PPIE: variants seen among roughly 807,000 people sequenced by gnomAD.
PPIE encodes the protein peptidylprolyl isomerase E.
A neutral mutation model predicts 38.4 loss-of-function variants in PPIE; 20 were observed. That is an observed-to-expected ratio of 0.52 (90% CI 0.37 to 0.76). The LOEUF is 0.76. PPIE is among the 30% of genes least tolerant of loss of function. PPIE has a pLI of 0.00. For missense variants in PPIE, 322 were observed against 385.8 expected (o/e 0.83, Z 1.39); for synonymous variants, 142 against 135.7 (o/e 1.05, Z -0.32).
In PPIE at chr1:39,745,569, C is replaced by G. The variant is rs1012841452; in HGVS notation, c.508+71C>G. ...GCAGTGAGCCTTTCCCAGGTTCTTACTGCTTCACTTCTTGTGTCCTTGATA... is the reference window on the plus strand; with the variant it reads ...GCAGTGAGCCTTTCCCAGGTTCTTAGTGCTTCACTTCTTGTGTCCTTGATA... On this transcript the variant is annotated intron_variant, in intron 7 of 9. Coordinates refer to ENST00000324379, the MANE Select transcript of PPIE (RefSeq NM_006112.4). 59 of 1,605,736 alleles carry G rather than the reference C, an allele frequency of 3.7e-5. No homozygotes were observed. In the Admixed American group the frequency reaches 3.7e-4, roughly 10 times the overall value.
At chr1:39,745,752 A>C in intron 7 of PPIE, 1 of 451,576 alleles carries the variant, frequency 2.2e-6, no homozygotes, top group South Asian at 3.4e-5. Flanking sequence ...TTTTTTAAAG[A>C]ATAGCATATA....
At chr1:39,739,872 G>A (rs1380667972) in intron 1 of PPIE, among the ~76,000 whole-genome samples, 1 of 152,130 alleles carries the variant, frequency 6.6e-6, no homozygotes, top group African/African-American at 2.4e-5. Flanking sequence ...GTTCAAATTT[G>A]CATTTTCCTA....
Position 39,742,046 on chromosome 1 carries a change from A to G in PPIE, c.201+125A>G, listed in dbSNP as rs1297169242. ...TGCATGGGGAGGTAAAAATTCTCACATGAAAATATTCACTGTGAATTGATC... is the reference window on the plus strand; with the variant it reads ...TGCATGGGGAGGTAAAAATTCTCACGTGAAAATATTCACTGTGAATTGATC... On this transcript the variant is annotated intron_variant, in intron 4 of 9. Transcript: ENST00000324379. The G allele has an allele frequency of 1.7e-5, 16 of 952,224 alleles. No individual in the cohort carries two copies. In the Admixed American group the frequency reaches 3.5e-4, roughly 21 times the overall value. The allele number at this position is 952,224 out of a possible 1,614,324, so 59.0% of individuals were successfully genotyped here.
chr1:39,755,757 G>A lies in PPIE; in HGVS notation c.*2402G>A. On this transcript the variant is annotated 3_prime_UTR_variant, in exon 10 of 10. Transcript: ENST00000324379. ...AGCTCAGCAGGTTTGGAGCCATTGG[G>A]TGTGGACTCCTCTCCCAGTGTTCCT... The A allele has an allele frequency of 1.0e-6, 1 of 985,390 alleles. No homozygotes were observed. Among genetic ancestry groups the A allele is most frequent in the Non-Finnish European group, 1.2e-6 (1 of 829,934 alleles). The allele number at this position is 985,390 out of a possible 1,614,324, so 61.0% of individuals were successfully genotyped here.
chr1:39,762,769 C>T (rs1649173862), intron 9 of PPIE: 1 of 1,339,714 alleles, frequency 7.5e-7, no homozygotes, highest in East Asian at 2.5e-5. Context: ...ACAGTGTACA[C>T]ATCTGTTTCA....
At chr1:39,763,132 G>A in intron 9 of PPIE, 1 of 1,614,124 alleles carries the variant, frequency 6.2e-7, no homozygotes, top group Non-Finnish European at 8.5e-7. Flanking sequence ...ATTCATGCAG[G>A]AGTCCAGTGG....
rs938931480 is a variant in PPIE at position 39,753,065 on chromosome 1, G to A, written c.837+13G>A. On this transcript the variant is annotated intron_variant, in intron 9 of 9. Transcript: ENST00000324379. Reference sequence around the variant, plus strand: ...GCGGCAAATTGAGGTATGTGGCCAGGAATGGGCCTCCTCCTTACCCAGGCC... The same window carrying A: ...GCGGCAAATTGAGGTATGTGGCCAGAAATGGGCCTCCTCCTTACCCAGGCC... The A allele has an allele frequency of 3.1e-6, 5 of 1,613,908 alleles. No homozygotes were observed. In the African/African-American group the frequency reaches 6.7e-5, roughly 22 times the overall value.
At position 39,750,389 on chromosome 1, in the gene PPIE, C is replaced by A. The variant is rs1402968217; in HGVS notation, c.694+1301C>A. On this transcript the variant is annotated intron_variant, in intron 8 of 9. Coordinates refer to ENST00000324379, the MANE Select transcript of PPIE (RefSeq NM_006112.4). The stretch of plus-strand genomic sequence containing the variant: ...TCTTATCCCACCTCCCAGATGTTAT[C>A]CCACCTCCCAGGAGCATTTCATACT... 2.6e-5 allele frequency among the ~76,000 whole-genome samples: 4 copies of A among 152,276 alleles called. No individual in the cohort carries two copies. In the East Asian group the frequency reaches 5.8e-4, roughly 22 times the overall value.
At chr1:39,761,639 C>G (rs2124417823), downstream of PPIE, among the ~76,000 whole-genome samples, 1 of 152,308 alleles carries the variant, frequency 6.6e-6, no homozygotes, top group African/African-American at 2.4e-5. Context: ...CTGCACCCAG[C>G]CCCTTCTCCC....
Position 39,755,914 on chromosome 1 carries a change from C to G in PPIE, c.*2559C>G. The G allele has an allele frequency of 1.0e-6, 1 of 985,458 alleles. No individual in the cohort carries two copies. Among genetic ancestry groups the G allele is most frequent in the East Asian group, 1.1e-4 (1 of 8,818 alleles). 61.0% of individuals were successfully genotyped at this position (985,458 alleles called of 1,614,324 possible). A position where few individuals can be genotyped will look rare whatever the true frequency, so the allele number is the denominator to read the frequency against. On this transcript the variant is annotated 3_prime_UTR_variant, in exon 10 of 10. Coordinates refer to ENST00000324379, the MANE Select transcript of PPIE (RefSeq NM_006112.4). Reference sequence around the variant, plus strand: ...CTGGGATTAGAAGCCCAGCCTGTCTCTCTTCAGTAGTAATGGAGTCCTGGG... The same window carrying G: ...CTGGGATTAGAAGCCCAGCCTGTCTGTCTTCAGTAGTAATGGAGTCCTGGG...
intron 1 of PPIE, chr1:39,739,148 C>T: frequency 2.3e-6 from 1 of 438,926 alleles, no homozygotes; most frequent in South Asian, 9.7e-5. Flanking sequence ...GCAGTACGCA[C>T]TTCTCCAGCT....
At chr1:39,761,939 G>GAGGGGC (rs1472971230) in intron 9 of PPIE, among the ~76,000 whole-genome samples, 1 of 152,252 alleles carries the variant, frequency 6.6e-6, no homozygotes, top group Admixed American at 6.5e-5. Context: ...TTGAGCCCCT[G>GAGGGGC]AGGGGCAGGG....
In PPIE at chr1:39,755,156, T is replaced by C. The variant is rs1648131227; in HGVS notation, c.*1801T>C. On this transcript the variant is annotated 3_prime_UTR_variant, in exon 10 of 10. Transcript: ENST00000324379. ...GGCGGTTATAAAGAATCTCATCTGC[T>C]GAAGGCTTTTAGCAGGGACTGAGTC... is the stretch of plus-strand genomic sequence containing the variant. 1 of 985,484 alleles carries C rather than the reference T, an allele frequency of 1.0e-6. No individual in the cohort carries two copies. Among genetic ancestry groups the C allele is most frequent in the African/African-American group, 1.7e-5 (1 of 57,372 alleles). The allele number at this position is 985,484 out of a possible 1,614,324, so 61.0% of individuals were successfully genotyped here. A position where few individuals can be genotyped will look rare whatever the true frequency, so the allele number is the denominator to read the frequency against.
chr1:39,746,208 C>T (rs556649408), intron 7 of PPIE: 2 of 152,240 alleles, frequency 1.3e-5, no homozygotes, highest in Admixed American at 1.3e-4. Context: ...TGTATAGGTA[C>T]CATAATTTTG....
At chr1:39,762,722 C>T (rs1649166162) in intron 9 of PPIE, 7 of 1,439,778 alleles carry the variant, frequency 4.9e-6, no homozygotes, top group Admixed American at 2.7e-5. Flanking sequence ...TGCCAGCGTA[C>T]TCGGCGGCCC....
chr1:39,743,519 A>G (rs1282515839), intron 5 of PPIE, among the ~76,000 whole-genome samples: 1 of 152,126 alleles, frequency 6.6e-6, no homozygotes, highest in Admixed American at 6.5e-5. Context: ...TTATGAGAGA[A>G]ATTCCTGCCT....
chr1:39,745,241 C>A, intron 6 of PPIE, 134 bp from the exon 7 acceptor site: 1 of 1,239,902 alleles, frequency 8.1e-7, no homozygotes, highest in Non-Finnish European at 1.1e-6. Flanking sequence ...CTATCAGGGC[C>A]CAAGGCCTTC....
rs1647886226 is a variant in PPIE at position 39,752,887 on chromosome 1, C to G, written c.695-23C>G. The G allele has an allele frequency of 2.5e-6, 4 of 1,605,966 alleles. No individual in the cohort carries two copies. The East Asian group carries it at 8.9e-5, about 36-fold the overall frequency. On this transcript the variant is annotated intron_variant, in intron 8 of 9. Coordinates refer to ENST00000324379, the MANE Select transcript of PPIE (RefSeq NM_006112.4). ...GGGCTGGTAGCCAGGGTTCGGGGAG[C>G]TGATGGTTGTTCTCTCCCTCAGGTC...
At chr1:39,745,571 G>C in intron 7 of PPIE, 73 bp downstream of exon 7, 1 of 1,604,754 alleles carries the variant, frequency 6.2e-7, no homozygotes, top group Non-Finnish European at 8.5e-7. Context: ...GGTTCTTACT[G>C]CTTCACTTCT....
Sources: allele counts gnomAD v4.1 joint callset (sites outside exome capture counted in the v4.1 genomes callset), GRCh38; gene constraint gnomAD v4.1.1; transcripts MANE v1.5; gene names NCBI Gene and HGNC (gene_info 2026-07-23, HGNC 2026-07-21).